The following SNTG1 variants were observed in gnomAD, a reference collection of about 807,000 sequenced individuals.
SNTG1 encodes the protein syntrophin gamma 1, also known as gamma-1-syntrophin.
A neutral mutation model predicts 74.7 loss-of-function variants in SNTG1; 39 were observed. The observed-to-expected ratio is 0.52, with a 90% CI of 0.40 to 0.68. SNTG1 has a LOEUF of 0.68. SNTG1 is among the 30% of genes least tolerant of loss of function. The pLI is 0.00. For missense variants in SNTG1, 685 were observed against 609.5 expected, an observed-to-expected ratio of 1.12 and a Z score of -1.30; for synonymous variants, 254 against 217.1, an observed-to-expected ratio of 1.17 and a Z score of -1.49.
intron 13 of SNTG1, among the ~76,000 whole-genome samples, chr8:50,611,027 T>G (rs186453617): frequency 1.3e-5 from 2 of 152,194 alleles, no homozygotes; most frequent in Non-Finnish European, 2.9e-5. Flanking sequence ...AGGAACTGTT[T>G]AAAAATGCAT....
At chr8:50,515,905 C>T (rs560244809) in intron 9 of SNTG1, among the ~76,000 whole-genome samples, 71 of 152,100 alleles carry the variant, frequency 4.7e-4, no homozygotes, top group African/African-American at 1.5e-3. Flanking sequence ...TCCTGCCTGC[C>T]GGCTCTGAAT....
chr8:50,625,653 A>G (rs1249517324), intron 13 of SNTG1, among the ~76,000 whole-genome samples: 1 of 152,218 alleles, frequency 6.6e-6, no homozygotes, highest in African/African-American at 2.4e-5. Context: ...CTAAAAGTAA[A>G]TGAATACTTT....
intron 1 of SNTG1, among the ~76,000 whole-genome samples, chr8:49,947,850 G>A (rs903499655): frequency 3.9e-5 from 6 of 152,116 alleles, no homozygotes; most frequent in African/African-American, 1.4e-4. Flanking sequence ...TTGATATCAG[G>A]CCTGGCGCGG....
At chr8:50,543,430 G>A (rs146434558) in intron 11 of SNTG1, among the ~76,000 whole-genome samples, 117 of 150,568 alleles carry the variant, frequency 7.8e-4, no homozygotes, top group African/African-American at 2.7e-3. Context: ...ATTGGTCTAT[G>A]TGTCTGTTTT....
intron 2 of SNTG1, among the ~76,000 whole-genome samples, chr8:50,202,205 T>A (rs1002677112): frequency 6.6e-6 from 1 of 152,128 alleles, no homozygotes; most frequent in African/African-American, 2.4e-5. Flanking sequence ...TTTTTTTAAA[T>A]TTGCATGTAT....
At chr8:50,028,189 T>C (rs1817431021) in intron 1 of SNTG1, among the ~76,000 whole-genome samples, 1 of 152,178 alleles carries the variant, frequency 6.6e-6, no homozygotes, top group Non-Finnish European at 1.5e-5. Flanking sequence ...ATTCCAAGAA[T>C]GTTGTATGAA....
At chr8:50,491,947 C>G (rs2093859962) in intron 8 of SNTG1, among the ~76,000 whole-genome samples, 1 of 147,140 alleles carries the variant, frequency 6.8e-6, no homozygotes, top group Non-Finnish European at 1.5e-5. Context: ...CACGTGTCCT[C>G]ACTGTTCAAC....
chr8:50,108,783 G>T (rs556100148), intron 1 of SNTG1, among the ~76,000 whole-genome samples: 4 of 152,182 alleles, frequency 2.6e-5, no homozygotes, highest in African/African-American at 9.6e-5. Context: ...GAACAAATTT[G>T]CTTGATTTTG....
At position 50,194,981 on chromosome 8, in the gene SNTG1, C is replaced by T. The variant is rs563744457; in HGVS notation, c.-28+22346C>T. ...CTGTAGTAGTGTACAGAGAGACAGGCGGTGGGCAGGGCCCTAGAACTCACA... is the reference window on the plus strand; with the variant it reads ...CTGTAGTAGTGTACAGAGAGACAGGTGGTGGGCAGGGCCCTAGAACTCACA... On this transcript the variant is annotated intron_variant, in intron 2 of 18. Transcript: ENST00000642720. Among the ~76,000 whole-genome samples the T allele has an allele frequency of 5.9e-5, 9 of 152,164 alleles. 1 individual carries two copies. Among genetic ancestry groups the T allele is most frequent in the East Asian group, 1.9e-4 (1 of 5,168 alleles).
At chr8:50,601,538 G>A (rs1447771619) in intron 13 of SNTG1, among the ~76,000 whole-genome samples, 1 of 151,998 alleles carries the variant, frequency 6.6e-6, no homozygotes, top group Non-Finnish European at 1.5e-5. Flanking sequence ...TTTGTTAGCT[G>A]ACATATGGTA....
chr8:50,755,073 G>A (rs1324979678), intron 18 of SNTG1, among the ~76,000 whole-genome samples: 3 of 151,646 alleles, frequency 2.0e-5, no homozygotes, highest in Non-Finnish European at 4.4e-5. Context: ...CCAGAGGGGG[G>A]GATGAAGTTA....
At chr8:50,083,636 AT>A in intron 1 of SNTG1, among the ~76,000 whole-genome samples, 1 of 152,342 alleles carries the variant, frequency 6.6e-6, no homozygotes, top group South Asian at 2.1e-4. Context: ...TGTATGATAC[AT>A]ATAAGCTATA....
intron 5 of SNTG1, among the ~76,000 whole-genome samples, chr8:50,446,958 G>A (rs555475485): frequency 1.3e-5 from 2 of 152,108 alleles, no homozygotes; most frequent in African/African-American, 2.4e-5. Context: ...AATTAGCATA[G>A]TAAAATATTA....
intron 2 of SNTG1, among the ~76,000 whole-genome samples, chr8:50,334,120 C>T (rs2091059791): frequency 6.6e-6 from 1 of 152,152 alleles, no homozygotes; most frequent in African/African-American, 2.4e-5. Flanking sequence ...TGGTCTAGAA[C>T]TCCTGACCTC....
At position 50,402,972 on chromosome 8, in the gene SNTG1, G is replaced by T. The variant is rs566722927; in HGVS notation, c.162+628G>T. 4.6e-5 allele frequency among the ~76,000 whole-genome samples: 7 copies of T among 152,262 alleles called. No homozygotes were observed. In the East Asian group the frequency reaches 9.6e-4, roughly 21 times the overall value. Reference sequence around the variant, plus strand: ...ACTGATTGCTGTACCTACTCATGTCGAGGCAGCATAGCTATGGAAGACATC... The same window carrying T: ...ACTGATTGCTGTACCTACTCATGTCTAGGCAGCATAGCTATGGAAGACATC... On this transcript the variant is annotated intron_variant, in intron 4 of 18. Coordinates refer to ENST00000642720, the MANE Select transcript of SNTG1 (RefSeq NM_018967.5).
chr8:50,186,772 A>G (rs928293871), intron 2 of SNTG1, among the ~76,000 whole-genome samples: 3 of 151,884 alleles, frequency 2.0e-5, no homozygotes, highest in African/African-American at 7.3e-5. Flanking sequence ...AGTTCCTTGT[A>G]GATTGTGGAT....
chr8:50,614,476 A>T lies in SNTG1; in HGVS notation c.849+23559A>T, dbSNP rs554027495. 7.9e-3 allele frequency among the ~76,000 whole-genome samples: 1,199 copies of T among 152,202 alleles called. 10 individuals are homozygous for T. Among genetic ancestry groups the T allele is most frequent in the African/African-American group, 0.026 (1,097 of 41,578 alleles). ...TGCTAATTTTACTTTATCTAAAAAA[A>T]AGAAATTGGATATCTAATGGTAGAT... On this transcript the variant is annotated intron_variant, in intron 13 of 18. Coordinates refer to ENST00000642720, the MANE Select transcript of SNTG1 (RefSeq NM_018967.5).
intron 4 of SNTG1, among the ~76,000 whole-genome samples, chr8:50,434,924 C>CCTAACTTT (rs1425687400): frequency 2.6e-5 from 4 of 152,034 alleles, no homozygotes; most frequent in African/African-American, 9.7e-5. Flanking sequence ...TGCATGATTT[C>CCTAACTTT]CACTTCTTCC....
At chr8:50,303,159 AAGACGAGGACTTT>A (rs2089725714) in intron 2 of SNTG1, among the ~76,000 whole-genome samples, 1 of 152,166 alleles carries the variant, frequency 6.6e-6, no homozygotes, top group Non-Finnish European at 1.5e-5. Context: ...TATGGTCTCT[AAGACGAGGACTTT>A]TTTCACAATG....
Sources: gnomAD v4.1 joint callset for allele counts (sites outside exome capture counted in the v4.1 genomes callset) on GRCh38, gnomAD v4.1.1 for gene constraint, MANE v1.5 for transcripts, NCBI Gene and HGNC (gene_info 2026-07-23, HGNC 2026-07-21) for gene names.